The following ABTB3 variants were observed in gnomAD, a reference collection of about 807,000 sequenced individuals.
ABTB3 encodes ankyrin repeat- and BTB/POZ domain-containing protein 3.
chr12:107,595,256 C>T, the ABTB3 span, among the ~76,000 whole-genome samples: 1 of 152,158 alleles, frequency 6.6e-6, no homozygotes, highest in Non-Finnish European at 1.5e-5. Flanking sequence ...TCTTTCAGCA[C>T]TGACATTCTG....
At chr12:107,490,578 G>A in the ABTB3 span, among the ~76,000 whole-genome samples, 1 of 152,200 alleles carries the variant, frequency 6.6e-6, no homozygotes, top group East Asian at 1.9e-4. Context: ...CTAGGAATCC[G>A]ACTGGAACAA....
chr12:107,528,068 A>C, the ABTB3 span, among the ~76,000 whole-genome samples: 5 of 152,172 alleles, frequency 3.3e-5, no homozygotes, highest in African/African-American at 1.2e-4. Flanking sequence ...AAGAGTAGGA[A>C]GGCAGTGAAG....
At chr12:107,573,142 G>A in the ABTB3 span, among the ~76,000 whole-genome samples, 1 of 152,202 alleles carries the variant, frequency 6.6e-6, no homozygotes, top group Non-Finnish European at 1.5e-5. Flanking sequence ...TGAGGCCTCT[G>A]TTTCATGGTT....
At chr12:107,600,066 T>G in the ABTB3 span, among the ~76,000 whole-genome samples, 1 of 152,206 alleles carries the variant, frequency 6.6e-6, no homozygotes, top group Non-Finnish European at 1.5e-5. Context: ...TCTAAGGAGC[T>G]GAGTGACTGT....
At chr12:107,655,249 T>C in the ABTB3 span, among the ~76,000 whole-genome samples, 2 of 139,872 alleles carry the variant, frequency 1.4e-5, no homozygotes, top group Non-Finnish European at 3.1e-5. Flanking sequence ...AGAAACTGCC[T>C]CTTTCAAATA....
At chr12:107,450,799 A>C in the ABTB3 span, among the ~76,000 whole-genome samples, 1 of 152,042 alleles carries the variant, frequency 6.6e-6, no homozygotes, top group Admixed American at 6.6e-5. Context: ...GAGGACTGAG[A>C]GGCAGGAGGG....
chr12:107,442,603 CT>C, the ABTB3 span, among the ~76,000 whole-genome samples: 1 of 152,152 alleles, frequency 6.6e-6, no homozygotes, highest in South Asian at 2.1e-4. Flanking sequence ...TTTTTCCTTT[CT>C]TTCCCTTCCA....
the ABTB3 span, among the ~76,000 whole-genome samples, chr12:107,429,227 C>T: frequency 6.4e-4 from 98 of 152,296 alleles, no homozygotes; most frequent in East Asian, 0.018. Context: ...CCAGCTTGGG[C>T]AGAGCCTGCG....
chr12:107,588,801 G>A, the ABTB3 span, among the ~76,000 whole-genome samples: 566 of 152,296 alleles, frequency 3.7e-3, 5 homozygotes, highest in African/African-American at 0.012. Flanking sequence ...GATTACAAGC[G>A]TGAGCCACCC....
chr12:107,417,421 C>T, the ABTB3 span, among the ~76,000 whole-genome samples: 1 of 152,218 alleles, frequency 6.6e-6, no homozygotes. Flanking sequence ...TCTTCTGTCT[C>T]TTTGAAGGAC....
chr12:107,385,827 G>A, the ABTB3 span, among the ~76,000 whole-genome samples: 1 of 152,282 alleles, frequency 6.6e-6, no homozygotes, highest in East Asian at 1.9e-4. Context: ...TGGCCTGGAC[G>A]ACCTTGTGAG....
chr12:107,330,344 G>C, the ABTB3 span, among the ~76,000 whole-genome samples: 1 of 152,156 alleles, frequency 6.6e-6, no homozygotes, highest in Non-Finnish European at 1.5e-5. Context: ...AGACTGGAAG[G>C]GTGAATGTGG....
At chr12:107,616,047 A>G in the ABTB3 span, among the ~76,000 whole-genome samples, 5 of 152,098 alleles carry the variant, frequency 3.3e-5, no homozygotes, top group Non-Finnish European at 5.9e-5. Context: ...ACAGATCCCA[A>G]GTCATGTTTC....
chr12:107,559,783 C>CA, the ABTB3 span, among the ~76,000 whole-genome samples: 1 of 152,176 alleles, frequency 6.6e-6, no homozygotes, highest in African/African-American at 2.4e-5. Flanking sequence ...ACATTTTCCC[C>CA]ATCCCTCCAT....
the ABTB3 span, among the ~76,000 whole-genome samples, chr12:107,520,846 G>T: frequency 6.6e-6 from 1 of 152,178 alleles, no homozygotes; most frequent in South Asian, 2.1e-4. Context: ...TCCTGGTTCC[G>T]CCATAAATGC....
chr12:107,543,338 CAAAA>C, the ABTB3 span, among the ~76,000 whole-genome samples: 4 of 78,072 alleles, frequency 5.1e-5, no homozygotes, highest in East Asian at 3.2e-4. Flanking sequence ...GACTCCATCT[CAAAA>C]AAAAAAAAAA....
chr12:107,346,444 C>T, the ABTB3 span, among the ~76,000 whole-genome samples: 3 of 152,064 alleles, frequency 2.0e-5, no homozygotes, highest in Non-Finnish European at 2.9e-5. Flanking sequence ...AACAGGAAGC[C>T]CTTCAAATTG....
At chr12:107,650,318 G>T in the ABTB3 span, 1 of 152,124 alleles carries the variant, frequency 6.6e-6, no homozygotes, top group Admixed American at 6.6e-5. Flanking sequence ...AACAGTGCCT[G>T]GCACACAGTG....
chr12:107,593,241 C>T, the ABTB3 span, among the ~76,000 whole-genome samples: 3 of 152,196 alleles, frequency 2.0e-5, no homozygotes, highest in Non-Finnish European at 4.4e-5. Flanking sequence ...TCTGCAGCTG[C>T]TTTCCCACTA....
Sources: allele counts gnomAD v4.1 joint callset (sites outside exome capture counted in the v4.1 genomes callset), GRCh38; gene constraint gnomAD v4.1.1; transcripts MANE v1.5; gene names NCBI Gene and HGNC (gene_info 2026-07-23, HGNC 2026-07-21).